Variants in ECPAS observed in about 807,000 individuals in gnomAD.
The protein encoded by ECPAS is proteasome adapter and scaffold protein ECM29.
ECPAS carries 70 observed loss-of-function variants against 255.1 expected under a neutral mutation model. The ratio of observed to expected loss-of-function variants is 0.27; its 90% CI spans 0.23 to 0.33. The LOEUF (loss-of-function observed/expected upper bound fraction) is 0.33, where lower values mean the gene tolerates loss of function less well. Among genes scored for constraint, ECPAS ranks in the 10% least tolerant of loss-of-function variants. The pLI, the probability that ECPAS is intolerant of heterozygous loss-of-function variation, is 1.00. For synonymous variants in ECPAS, 784 were observed against 775.0 expected (o/e 1.01, Z -0.19); for missense variants, 1,817 against 2,206.4 (o/e 0.82, Z 3.54).
rs1179182842 is a variant in ECPAS at position 111,472,847 on chromosome 9, A to G, written c.22+50T>C. 2.0e-5 allele frequency: 12 copies of G among 597,302 alleles called. No homozygotes were observed. The Admixed American group carries it at 4.8e-4, about 24-fold the overall frequency. The allele number at this position is 597,302 out of a possible 1,614,324, so 37.0% of individuals were successfully genotyped here. ...TACCTGATAACCTATGCATTTTTAA[A>G]TGCTGCTACAAAAAAAATGCACACA... On this transcript the variant is annotated intron_variant, in intron 2 of 49. Coordinates refer to ENST00000684092, the MANE Select transcript of ECPAS (RefSeq NM_001364929.1).
chr9:111,480,018 T>C (rs1199668578), intron 1 of ECPAS, among the ~76,000 whole-genome samples: 2 of 150,536 alleles, frequency 1.3e-5, no homozygotes, highest in Admixed American at 1.3e-4. Flanking sequence ...TTTTTAAAAA[T>C]CTACTGAGAT....
chr9:111,460,026 C>T (rs57714800), intron 2 of ECPAS, among the ~76,000 whole-genome samples: 4,916 of 151,872 alleles, frequency 0.032, 164 homozygotes, highest in East Asian at 0.13. Flanking sequence ...TGAATATAGA[C>T]GCAAATGAGA....
At chr9:111,459,637 A>G (rs753900749) in intron 2 of ECPAS, among the ~76,000 whole-genome samples, 8 of 152,180 alleles carry the variant, frequency 5.3e-5, no homozygotes, top group Non-Finnish European at 1.0e-4. Context: ...TACCTCAGAG[A>G]CACAAGAGCT....
At chr9:111,469,479 G>A (rs908746810) in intron 2 of ECPAS, among the ~76,000 whole-genome samples, 4 of 149,930 alleles carry the variant, frequency 2.7e-5, no homozygotes, top group South Asian at 4.3e-4. Context: ...GCAGTGAGCC[G>A]AGATCCAGCC....
At position 111,484,195 on chromosome 9, in the gene ECPAS, G is replaced by A. The variant is rs963082539; in HGVS notation, c.-162C>T. 14 of 1,481,764 alleles carry A rather than the reference G, an allele frequency of 9.4e-6. No homozygotes were observed. The East Asian group carries it at 1.7e-4, about 18-fold the overall frequency. 91.8% of individuals were successfully genotyped at this position (1,481,764 alleles called of 1,614,324 possible). On this transcript the variant is annotated 5_prime_UTR_variant, in exon 1 of 50. Transcript: ENST00000684092. ...AGGGCTGTAGAGCGAGGCGTTCGGC[G>A]GGCCGGGCCCCGGGGAGCCGCGCGC... is the stretch of plus-strand genomic sequence containing the variant.
chr9:111,446,984 G>A (rs1389184535), intron 3 of ECPAS, among the ~76,000 whole-genome samples: 1 of 152,168 alleles, frequency 6.6e-6, no homozygotes, highest in African/African-American at 2.4e-5. Context: ...ACAATCAGGA[G>A]GAACTAGTCT....
At chr9:111,460,922 T>A (rs1369588471) in intron 2 of ECPAS, among the ~76,000 whole-genome samples, 2 of 152,128 alleles carry the variant, frequency 1.3e-5, no homozygotes, top group African/African-American at 4.8e-5. Flanking sequence ...AAAAAGCTGA[T>A]CCTAGAGCCA....
intron 4 of ECPAS, among the ~76,000 whole-genome samples, chr9:111,443,629 A>ACACAGTGTT: frequency 6.6e-6 from 1 of 152,362 alleles, no homozygotes; most frequent in Non-Finnish European, 1.5e-5. Flanking sequence ...TTTTATTGGC[A>ACACAGTGTT]CACAGTGTTC....
intron 20 of ECPAS, 85 bp downstream of exon 20, chr9:111,413,810 G>A (rs1589163240): frequency 1.3e-6 from 1 of 797,622 alleles, no homozygotes; most frequent in East Asian, 2.8e-5. Context: ...AAAGGTCATA[G>A]GGATCCCGCT....
rs201999280 is a variant in ECPAS, at chr9:111,382,441, T to C, written c.3803+770A>G. ...CACCACACCCGGCTAATTTTTTTTG[T>C]ATTTTTAGTAGAGATGGGGTTTCTC... is the stretch of plus-strand genomic sequence containing the variant. On this transcript the variant is annotated intron_variant, in intron 35 of 49. Transcript: ENST00000684092. 2.6e-5 allele frequency among the ~76,000 whole-genome samples: 4 copies of C among 152,086 alleles called. No homozygotes were observed. The East Asian group carries it at 7.7e-4, about 29-fold the overall frequency.
chr9:111,464,407 GCAAC>G (rs2098276779), intron 2 of ECPAS, among the ~76,000 whole-genome samples: 1 of 150,028 alleles, frequency 6.7e-6, no homozygotes, highest in African/African-American at 2.5e-5. Flanking sequence ...TCCAGCATGG[GCAAC>G]TGAGCAAGAT....
chr9:111,376,872 G>T (rs2098133883), intron 36 of ECPAS, among the ~76,000 whole-genome samples: 1 of 152,156 alleles, frequency 6.6e-6, no homozygotes, highest in South Asian at 2.1e-4. Flanking sequence ...AATTTCTAAG[G>T]TTTTTAAAAT....
At chr9:111,454,035 A>G (rs188728775) in intron 2 of ECPAS, among the ~76,000 whole-genome samples, 2 of 152,292 alleles carry the variant, frequency 1.3e-5, no homozygotes, top group African/African-American at 2.4e-5. Flanking sequence ...GAAAGGCTCA[A>G]TCTGAGACTA....
intron 16 of ECPAS, among the ~76,000 whole-genome samples, chr9:111,419,617 T>C (rs912475913): frequency 1.3e-5 from 2 of 151,764 alleles, no homozygotes; most frequent in Non-Finnish European, 2.9e-5. Context: ...CCATATTTAA[T>C]AAAATATTAA....
intron 29 of ECPAS, among the ~76,000 whole-genome samples, 189 bp downstream of exon 29, chr9:111,391,567 G>A (rs1368935847): frequency 6.7e-6 from 1 of 148,446 alleles, no homozygotes; most frequent in Non-Finnish European, 1.5e-5. Context: ...GGCAACAAAA[G>A]TGAGGCTCCA....
Position 111,378,658 on chromosome 9 carries a change from T to C in ECPAS, c.3876A>G (p.Pro1292=), listed in dbSNP as rs1385583396. The part of the protein sequence containing the change: ...MLKPHAPKLI[P]ALLESLSVLE... Reference sequence around the variant, plus strand: ...ATACACTTAAGGACTCTAGCAGAGCTGGAATGAGTTTTGGTGCATGCGGTT... The same window carrying C: ...ATACACTTAAGGACTCTAGCAGAGCCGGAATGAGTTTTGGTGCATGCGGTT... Residue 1292 remains proline (P), a synonymous_variant, in exon 36 of 50, where the codon CCA becomes CCG. Transcript: ENST00000684092. 18 of 1,613,924 alleles carry C rather than the reference T, an allele frequency of 1.1e-5. No homozygotes were observed. Among genetic ancestry groups the C allele is most frequent in the Non-Finnish European group, 1.5e-5 (18 of 1,179,792 alleles).
intron 2 of ECPAS, among the ~76,000 whole-genome samples, chr9:111,456,453 C>T (rs1468513780): frequency 6.6e-6 from 1 of 152,178 alleles, no homozygotes; most frequent in African/African-American, 2.4e-5. Flanking sequence ...CCAAGAATGA[C>T]CCTATTTTCT....
At chr9:111,371,457 CCA>C (rs1370447768) in intron 43 of ECPAS, among the ~76,000 whole-genome samples, 162 bp downstream of exon 43, 9 of 152,188 alleles carry the variant, frequency 5.9e-5, no homozygotes, top group African/African-American at 2.2e-4. Context: ...AGAGGAAATA[CCA>C]CAGTTAATCA....
intron 24 of ECPAS, among the ~76,000 whole-genome samples, chr9:111,401,553 C>T (rs567420688): frequency 1.6e-3 from 240 of 152,292 alleles, no homozygotes; most frequent in Non-Finnish European, 3.0e-3. Context: ...GGTTTGAGAG[C>T]AGACAATTAG....
Sources: allele counts gnomAD v4.1 joint callset (sites outside exome capture counted in the v4.1 genomes callset), GRCh38; gene constraint gnomAD v4.1.1; transcripts MANE v1.5; gene names NCBI Gene and HGNC (gene_info 2026-07-23, HGNC 2026-07-21).